MGAT5B: variants seen among roughly 807,000 people sequenced by gnomAD.
MGAT5B encodes the protein alpha-1,6-mannosylglycoprotein 6-beta-N-acetylglucosaminyltransferase B.
In MGAT5B, 54 loss-of-function variants were observed where a neutral mutation model predicts 95.1. The observed-to-expected ratio is 0.57, with a 90% CI of 0.46 to 0.71. The LOEUF is 0.71. Ranked by LOEUF, MGAT5B falls within the 30% of genes least tolerant of loss-of-function variation. MGAT5B has a pLI of 0.00. For synonymous variants in MGAT5B, 464 were observed against 451.0 expected, an observed-to-expected ratio of 1.03 and a Z score of -0.36; for missense variants, 935 against 1,088.6, an observed-to-expected ratio of 0.86 and a Z score of 1.99.
intron 12 of MGAT5B, among the ~76,000 whole-genome samples, chr17:76,935,166 A>G (rs772494296): frequency 9.2e-5 from 14 of 152,324 alleles, no homozygotes; most frequent in Middle Eastern, 6.8e-3. Context: ...CAGCTGGTTC[A>G]GGCCCGGGGC....
At chr17:76,944,998 G>A (rs1969990787) in intron 15 of MGAT5B, among the ~76,000 whole-genome samples, 1 of 152,186 alleles carries the variant, frequency 6.6e-6, no homozygotes, top group South Asian at 2.1e-4. Context: ...ATGGTGGGGT[G>A]GGGAGGTTGA....
At chr17:76,898,474 G>A (rs528670677) in intron 3 of MGAT5B, among the ~76,000 whole-genome samples, 29 of 151,432 alleles carry the variant, frequency 1.9e-4, no homozygotes, top group Admixed American at 6.6e-4. Flanking sequence ...GATTACAGGC[G>A]CGCACCACCA....
At chr17:76,936,910 G>A (rs559811415) in intron 12 of MGAT5B, among the ~76,000 whole-genome samples, 59 of 151,632 alleles carry the variant, frequency 3.9e-4, no homozygotes, top group Non-Finnish European at 7.4e-4. Flanking sequence ...AAGTTGTTTT[G>A]TCTATTCTAG....
chr17:76,877,785 G>A (rs2145123917), intron 2 of MGAT5B, among the ~76,000 whole-genome samples: 2 of 152,262 alleles, frequency 1.3e-5, no homozygotes, highest in African/African-American at 4.8e-5. Flanking sequence ...GAGAGATGGG[G>A]GCTCATTCAA....
chr17:76,904,142 A>C (rs1463078145), intron 5 of MGAT5B, 110 bp from the exon 6 acceptor site: 2 of 1,132,542 alleles, frequency 1.8e-6, no homozygotes, highest in Non-Finnish European at 2.5e-6. Flanking sequence ...AGGGTGGGCC[A>C]CATGGGCCCC....
intron 12 of MGAT5B, among the ~76,000 whole-genome samples, chr17:76,935,874 A>G (rs891749371): frequency 2.0e-4 from 20 of 102,524 alleles, no homozygotes; most frequent in Non-Finnish European, 1.3e-4. Flanking sequence ...TATACATTAT[A>G]TATATTATAT....
chr17:76,879,081 T>C (rs993229788), intron 2 of MGAT5B, among the ~76,000 whole-genome samples: 29 of 152,240 alleles, frequency 1.9e-4, no homozygotes, highest in African/African-American at 6.8e-4. Flanking sequence ...TCTGCAGCTC[T>C]AGGCCAGCCC....
rs1219475672 is a variant in MGAT5B, at chr17:76,916,699, A to G, written c.1026-8267A>G. 6.6e-6 allele frequency among the ~76,000 whole-genome samples: 1 copy of G among 152,174 alleles called. No homozygotes were observed. Among genetic ancestry groups the G allele is most frequent in the Non-Finnish European group, 1.5e-5 (1 of 68,014 alleles). ...GATGCTCCTGACGGAGGCAGGATTC[A>G]TCCCTGGGGAGGAGGCATCAGGGCC... On this transcript the variant is annotated intron_variant, in intron 8 of 17. Transcript: ENST00000569840. The surrounding 1 kb of genome is among the most constrained non-coding windows in gnomAD (Gnocchi z 5.3).
chr17:76,891,204 A>T (rs1418456346), intron 3 of MGAT5B, among the ~76,000 whole-genome samples: 1 of 151,258 alleles, frequency 6.6e-6, no homozygotes, highest in Non-Finnish European at 1.5e-5. Context: ...ACCTCAGATG[A>T]TCCACCTGCC....
At chr17:76,899,627 G>A (rs1311789098) in intron 3 of MGAT5B, among the ~76,000 whole-genome samples, 1 of 152,136 alleles carries the variant, frequency 6.6e-6, no homozygotes, top group African/African-American at 2.4e-5. Flanking sequence ...CAGGGTGGCA[G>A]AGTGAGAGCC....
chr17:76,943,445 G>C (rs959687971), intron 15 of MGAT5B, among the ~76,000 whole-genome samples: 2 of 151,962 alleles, frequency 1.3e-5, no homozygotes, highest in South Asian at 2.1e-4. Context: ...AGAGTCACCC[G>C]GGGGGAGGGC....
chr17:76,880,939 G>A (rs755675897), intron 2 of MGAT5B, among the ~76,000 whole-genome samples: 1 of 152,158 alleles, frequency 6.6e-6, no homozygotes. Context: ...CCCAACCCAC[G>A]GCATCCTCCA....
rs115638984 is a variant in MGAT5B at position 76,916,676 on chromosome 17, T to G, written c.1026-8290T>G. On this transcript the variant is annotated intron_variant, in intron 8 of 17. Coordinates refer to ENST00000569840, the MANE Select transcript of MGAT5B (RefSeq NM_001199172.2). This position sits in a 1 kb window ranked among gnomAD's most constrained non-coding sequence, Gnocchi z 5.3. ...ATGAGGAGAAGGGCTGGCTTCTGGA[T>G]GCTCCTGACGGAGGCAGGATTCATC... Among the ~76,000 whole-genome samples, 622 of 152,304 alleles carry G rather than the reference T, an allele frequency of 4.1e-3. 1 individual carries two copies. Among genetic ancestry groups the G allele is most frequent in the African/African-American group, 0.014 (587 of 41,574 alleles).
Position 76,947,884 on chromosome 17 carries a change from C to T in MGAT5B, c.1978C>T (p.Pro660Ser), listed in dbSNP as rs1970082991. ...ACCAGAGGCCCACGCCCCGCAGAGCCCCTTTGTCCTGGCCCCCAATGCCAC... is the reference window on the plus strand; with the variant it reads ...ACCAGAGGCCCACGCCCCGCAGAGCTCCTTTGTCCTGGCCCCCAATGCCAC... ...ALPEAHAPQS[P>S]FVLAPNATHL... The change falls in exon 17 of 18, where the codon CCC (proline) becomes TCC (serine). Residue 660 changes from proline (P) to serine (S), a missense_variant. Physicochemically the swap from Pro to Ser is moderately conservative, Grantham distance 74 (BLOSUM62 -1). Around this residue, in one of 4 missense-constraint regions of MGAT5B, gnomAD observed 440 missense variants for 523.6 expected, o/e 0.84. Coordinates refer to ENST00000569840, the MANE Select transcript of MGAT5B (RefSeq NM_001199172.2). The T allele has an allele frequency of 6.2e-7, 1 of 1,609,828 alleles. No individual in the cohort carries two copies. Among genetic ancestry groups the T allele is most frequent in the Non-Finnish European group, 8.5e-7 (1 of 1,177,062 alleles).
intron 13 of MGAT5B, among the ~76,000 whole-genome samples, chr17:76,939,027 GGGGTGTGTGTGTGTGTGTGTGTGTGT>G (rs1472350193): frequency 2.1e-5 from 2 of 97,236 alleles, no homozygotes; most frequent in African/African-American, 3.2e-5. Flanking sequence ...AGGCATCTTG[GGGGTGTGTGTGTGTGTGTGTGTGTGT>G]GTGTGTGTGT....
Position 76,950,324 on chromosome 17 carries a change from CTCT to C in MGAT5B, c.*1488_*1490del, listed in dbSNP as rs1308863408. The C allele has an allele frequency of 5.1e-5, 3 of 58,332 alleles. No homozygotes were observed. Among genetic ancestry groups the C allele is most frequent in the African/African-American group, 1.4e-4 (2 of 14,304 alleles). 3.6% of individuals were successfully genotyped at this position (58,332 alleles called of 1,614,324 possible). A position where few individuals can be genotyped will look rare whatever the true frequency, so the allele number is the denominator to read the frequency against. ...AAAGCAATAGAGACACTCTTTTTCT[CTCT>C]TTTTTTTAAAGATTTATTTCTTGAA... On this transcript the variant is annotated 3_prime_UTR_variant, in exon 18 of 18. Transcript: ENST00000569840.
chr17:76,946,088 T>G (rs1970019300), intron 15 of MGAT5B, among the ~76,000 whole-genome samples: 1 of 141,622 alleles, frequency 7.1e-6, no homozygotes, highest in African/African-American at 2.7e-5. Flanking sequence ...GACACAGCGC[T>G]GAGCTTTATC....
chr17:76,885,235 T>C (rs971425475), intron 3 of MGAT5B, among the ~76,000 whole-genome samples: 3 of 152,158 alleles, frequency 2.0e-5, no homozygotes, highest in African/African-American at 7.2e-5. Context: ...TCTGACACTG[T>C]CTGTGTGCCC....
chr17:76,872,704 T>C (rs1394963793), intron 1 of MGAT5B, 147 bp from the exon 2 acceptor site: 6 of 1,547,074 alleles, frequency 3.9e-6, no homozygotes, highest in Middle Eastern at 1.7e-4. Context: ...CTCCTGGGTC[T>C]GGAGCTCAGC....
Sources: allele counts gnomAD v4.1 joint callset (sites outside exome capture counted in the v4.1 genomes callset), GRCh38; gene constraint gnomAD v4.1.1; regional missense constraint gnomAD v4.1.1; non-coding constraint Gnocchi (gnomAD v3.1); transcripts MANE v1.5; gene names NCBI Gene and HGNC (gene_info 2026-07-23, HGNC 2026-07-21).